TLL1: variants seen among roughly 807,000 people sequenced by gnomAD.
TLL1 encodes the protein tolloid like 1.
TLL1 carries 49 observed loss-of-function variants against 128.2 expected under a neutral mutation model. That is an observed-to-expected ratio of 0.38 (90% confidence interval 0.30 to 0.48). The LOEUF is 0.48. TLL1 is among the 20% of genes least tolerant of loss of function. The probability of loss-of-function intolerance (pLI) is 0.96; values close to 1 mark genes in which losing one functional copy is unlikely to be tolerated. For synonymous variants in TLL1, 454 were observed against 418.8 expected (o/e 1.08, Z -1.03); for missense variants, 1,123 against 1,242.0 (o/e 0.90, Z 1.44).
chr4:165,969,190 A>T lies in TLL1; in HGVS notation c.170-20191A>T, dbSNP rs374171032. Among the ~76,000 whole-genome samples, 67 of 152,236 alleles carry T rather than the reference A, an allele frequency of 4.4e-4. 5 individuals are homozygous for T. The South Asian group carries it at 0.013, about 31-fold the overall frequency. On this transcript the variant is annotated intron_variant, in intron 1 of 20. Transcript: ENST00000061240. Reference sequence around the variant, plus strand: ...AACCTGGAAATTTTATCTTGCCAATATTAAATTGTATTCTATTCCAGAAAG... The same window carrying T: ...AACCTGGAAATTTTATCTTGCCAATTTTAAATTGTATTCTATTCCAGAAAG...
chr4:165,991,457 G>C (rs998500449), intron 2 of TLL1, among the ~76,000 whole-genome samples: 1 of 151,938 alleles, frequency 6.6e-6, no homozygotes, highest in Admixed American at 6.6e-5. Flanking sequence ...GCTTAGGAAT[G>C]AATGTATTTA....
intron 19 of TLL1, among the ~76,000 whole-genome samples, chr4:166,098,136 C>G (rs1742110251): frequency 6.6e-6 from 1 of 151,940 alleles, no homozygotes; most frequent in Admixed American, 6.6e-5. Flanking sequence ...GAGTTCAAGA[C>G]CAGCCTGGCC....
chr4:165,924,265 G>A (rs1733173322), intron 1 of TLL1, among the ~76,000 whole-genome samples: 1 of 152,186 alleles, frequency 6.6e-6, no homozygotes, highest in African/African-American at 2.4e-5. Context: ...CCAAGAGCGA[G>A]GCTTCTTGGG....
chr4:165,923,876 T>C (rs1733158013), intron 1 of TLL1, among the ~76,000 whole-genome samples: 1 of 152,212 alleles, frequency 6.6e-6, no homozygotes, highest in Non-Finnish European at 1.5e-5. Flanking sequence ...CTGTGTCACA[T>C]TTTGGTAATT....
intron 15 of TLL1, 96 bp from the exon 16 acceptor site, chr4:166,065,587 G>A (rs1285194382): frequency 7.3e-7 from 1 of 1,368,216 alleles, no homozygotes; most frequent in Non-Finnish European, 1.0e-6. Context: ...ACTACCGTAA[G>A]AGTAAAATGG....
intron 1 of TLL1, among the ~76,000 whole-genome samples, chr4:165,875,488 A>G (rs1561000106): frequency 6.6e-6 from 1 of 151,892 alleles, no homozygotes; most frequent in Non-Finnish European, 1.5e-5. Flanking sequence ...GGAACTCAGA[A>G]TTCTGATTTA....
At chr4:165,961,966 A>G (rs1359468242) in intron 1 of TLL1, among the ~76,000 whole-genome samples, 1 of 152,166 alleles carries the variant, frequency 6.6e-6, no homozygotes, top group East Asian at 1.9e-4. Context: ...CATGACCTCA[A>G]AATACAAAAA....
At chr4:165,956,159 A>T (rs562237070) in intron 1 of TLL1, among the ~76,000 whole-genome samples, 1 of 152,260 alleles carries the variant, frequency 6.6e-6, no homozygotes, top group South Asian at 2.1e-4. Flanking sequence ...TCCAACAAAG[A>T]TCACAAGGCA....
At chr4:165,990,133 A>G (rs1035480045) in intron 2 of TLL1, among the ~76,000 whole-genome samples, 35 of 152,038 alleles carry the variant, frequency 2.3e-4, no homozygotes, top group African/African-American at 3.1e-4. Context: ...GATATATGTA[A>G]AAGATTATTT....
chr4:166,046,232 A>G (rs374411774), intron 12 of TLL1, among the ~76,000 whole-genome samples: 8 of 152,210 alleles, frequency 5.3e-5, no homozygotes, highest in African/African-American at 1.7e-4. Context: ...GAAAATGAAT[A>G]TATCCTTTAT....
At chr4:165,962,362 T>C (rs1339066094) in intron 1 of TLL1, among the ~76,000 whole-genome samples, 1 of 152,124 alleles carries the variant, frequency 6.6e-6, no homozygotes, top group East Asian at 1.9e-4. Flanking sequence ...AAATCAAAAC[T>C]ACAGTGAGAC....
intron 1 of TLL1, among the ~76,000 whole-genome samples, chr4:165,986,695 T>G (rs1736406678): frequency 6.6e-6 from 1 of 152,022 alleles, no homozygotes; most frequent in Non-Finnish European, 1.5e-5. Flanking sequence ...CTGGTGCCCT[T>G]TCTTCTCCCC....
intron 1 of TLL1, among the ~76,000 whole-genome samples, chr4:165,882,969 G>A (rs1158092596): frequency 2.6e-4 from 39 of 152,052 alleles, no homozygotes; most frequent in Middle Eastern, 6.8e-3. Context: ...GATGAAAATA[G>A]TTACAGTAAG....
chr4:166,022,430 C>T (rs1738288301), intron 8 of TLL1, among the ~76,000 whole-genome samples: 1 of 152,142 alleles, frequency 6.6e-6, no homozygotes, highest in East Asian at 1.9e-4. Context: ...CCCGCCTTGG[C>T]CTCCCAAAGT....
At chr4:165,941,037 T>A (rs910915409) in intron 1 of TLL1, among the ~76,000 whole-genome samples, 2 of 152,034 alleles carry the variant, frequency 1.3e-5, no homozygotes, top group Non-Finnish European at 2.9e-5. Flanking sequence ...TTTATGATCA[T>A]TTTATATCAT....
At chr4:166,083,236 AT>A (rs1432521143) in intron 18 of TLL1, among the ~76,000 whole-genome samples, 2 of 125,004 alleles carry the variant, frequency 1.6e-5, no homozygotes, top group African/African-American at 2.5e-5. Flanking sequence ...GAAAGAAAGA[AT>A]TTTTTTTCTT....
intron 18 of TLL1, among the ~76,000 whole-genome samples, chr4:166,079,249 C>T (rs1231639030): frequency 1.3e-5 from 2 of 152,066 alleles, no homozygotes; most frequent in Non-Finnish European, 2.9e-5. Flanking sequence ...TCTTTTAAGG[C>T]GTTCATTTTC....
chr4:165,982,906 G>T (rs1736216894), intron 1 of TLL1, among the ~76,000 whole-genome samples: 1 of 151,696 alleles, frequency 6.6e-6, no homozygotes, highest in Non-Finnish European at 1.5e-5. Context: ...ACAGGCATAA[G>T]GGAAGAAAAA....
chr4:166,092,872 T>G (rs2111160031), intron 19 of TLL1, among the ~76,000 whole-genome samples: 1 of 152,250 alleles, frequency 6.6e-6, no homozygotes, highest in East Asian at 1.9e-4. Flanking sequence ...AGCAGGAAAC[T>G]TTTGAAAAGA....
Sources: gnomAD v4.1 joint callset for allele counts (sites outside exome capture counted in the v4.1 genomes callset) on GRCh38, gnomAD v4.1.1 for gene constraint, MANE v1.5 for transcripts, NCBI Gene and HGNC (gene_info 2026-07-23, HGNC 2026-07-21) for gene names.